The following RAB1A variants were observed in gnomAD, a reference collection of about 807,000 sequenced individuals.
The protein encoded by RAB1A is RAB1A, member RAS oncogene family.
In RAB1A, 2 loss-of-function variants were observed where a neutral mutation model predicts 26.0. The observed-to-expected ratio is 0.08, with a 90% confidence interval of 0.03 to 0.24. RAB1A has a LOEUF of 0.24. Ranked by LOEUF, RAB1A falls within the 10% of genes least tolerant of loss-of-function variation. The pLI, the probability that RAB1A is intolerant of heterozygous loss-of-function variation, is 1.00. For synonymous variants in RAB1A, 84 were observed against 84.9 expected (o/e 0.99, Z 0.06); for missense variants, 100 against 247.0 (o/e 0.40, Z 3.99).
chr2:65,097,884 G>C, intron 3 of RAB1A, 87 bp downstream of exon 3: 4 of 663,936 alleles, frequency 6.0e-6, no homozygotes, highest in South Asian at 2.4e-5. Context: ...ATTCAATTTT[G>C]TTAGCATAGT....
chr2:65,089,181 C>T (rs893494699), intron 4 of RAB1A, 111 bp from the exon 5 acceptor site: 1 of 1,041,850 alleles, frequency 9.6e-7, no homozygotes, highest in Admixed American at 2.6e-5. Context: ...AGTGAGACAA[C>T]TCTAGCTACA....
At chr2:65,096,218 G>C (rs951952076) in intron 3 of RAB1A, among the ~76,000 whole-genome samples, 1 of 152,070 alleles carries the variant, frequency 6.6e-6, no homozygotes, top group African/African-American at 2.4e-5. Context: ...GGGAGGCTAA[G>C]GCAGGAGAAT....
intron 2 of RAB1A, among the ~76,000 whole-genome samples, chr2:65,101,796 C>T (rs1669437499): frequency 8.0e-6 from 1 of 124,936 alleles, no homozygotes; most frequent in South Asian, 2.5e-4. Flanking sequence ...GTTGCCCAGG[C>T]TGGAGTGCAA....
chr2:65,091,443 A>G (rs997437919), intron 3 of RAB1A, among the ~76,000 whole-genome samples: 12 of 152,194 alleles, frequency 7.9e-5, no homozygotes, highest in Non-Finnish European at 1.8e-4. Context: ...ACTTGCTAGC[A>G]CATTCTACCA....
chr2:65,107,212 T>C (rs1176781771), intron 1 of RAB1A, among the ~76,000 whole-genome samples: 3 of 151,990 alleles, frequency 2.0e-5, no homozygotes, highest in African/African-American at 4.8e-5. Context: ...ATTACAGACA[T>C]GTGCTAACAC....
intron 1 of RAB1A, among the ~76,000 whole-genome samples, chr2:65,120,479 A>C (rs1378274601): frequency 6.7e-6 from 1 of 150,272 alleles, no homozygotes; most frequent in African/African-American, 2.5e-5. Context: ...AAAAAAAAAA[A>C]ACTCAAATGA....
intron 1 of RAB1A, among the ~76,000 whole-genome samples, chr2:65,121,077 G>A (rs145494191): frequency 4.0e-5 from 6 of 151,744 alleles, no homozygotes; most frequent in Non-Finnish European, 5.9e-5. Context: ...GCAACATAGC[G>A]ACATCTCATC....
chr2:65,118,278 C>A (rs925119670), intron 1 of RAB1A, among the ~76,000 whole-genome samples: 1 of 152,110 alleles, frequency 6.6e-6, no homozygotes, highest in African/African-American at 2.4e-5. Flanking sequence ...CCATGCTATT[C>A]CGTAAACATA....
At chr2:65,106,759 GAAT>G (rs1277110482) in intron 1 of RAB1A, among the ~76,000 whole-genome samples, 1 of 149,864 alleles carries the variant, frequency 6.7e-6, no homozygotes, top group African/African-American at 2.5e-5. Flanking sequence ...CGCTATTGTA[GAAT>G]ATTATCCTTA....
chr2:65,129,807 G>T, intron 1 of RAB1A, 86 bp downstream of exon 1: 1 of 1,529,662 alleles, frequency 6.5e-7, no homozygotes, highest in Non-Finnish European at 8.8e-7. Flanking sequence ...CCGATGCCCC[G>T]ACTTCTGCCC....
chr2:65,102,429 T>G (rs2103843747), intron 2 of RAB1A, among the ~76,000 whole-genome samples: 1 of 152,208 alleles, frequency 6.6e-6, no homozygotes, highest in East Asian at 1.9e-4. Flanking sequence ...ATCAGAAAAG[T>G]CATATGTATT....
intron 1 of RAB1A, among the ~76,000 whole-genome samples, chr2:65,126,446 A>C (rs1181099960): frequency 6.6e-6 from 1 of 152,222 alleles, no homozygotes; most frequent in Non-Finnish European, 1.5e-5. Context: ...GTCTCAAAAA[A>C]AAAACAAAAC....
At chr2:65,119,165 A>T (rs559001531) in intron 1 of RAB1A, among the ~76,000 whole-genome samples, 10 of 152,280 alleles carry the variant, frequency 6.6e-5, no homozygotes, top group Non-Finnish European at 1.3e-4. Flanking sequence ...TGATCTCACC[A>T]CTGTACTCCA....
chr2:65,087,012 T>C lies in RAB1A; in HGVS notation c.*1481A>G, dbSNP rs1296511292. 5 of 152,322 alleles carry C rather than the reference T, an allele frequency of 3.3e-5. No homozygotes were observed. Among genetic ancestry groups the C allele is most frequent in the Admixed American group, 2.6e-4 (4 of 15,288 alleles). 9.4% of individuals were successfully genotyped at this position (152,322 alleles called of 1,614,324 possible). A position where few individuals can be genotyped will look rare whatever the true frequency, so the allele number is the denominator to read the frequency against. On this transcript the variant is annotated 3_prime_UTR_variant, in exon 6 of 6. Coordinates refer to ENST00000409784, the MANE Select transcript of RAB1A (RefSeq NM_004161.5). ...AAAAATTAAAAAAACCTATTCATTT[T>C]TGGCTTGTGTTTAGCTTAAATTTTA...
At chr2:65,106,498 T>C (rs1558581677) in intron 1 of RAB1A, 1 of 217,896 alleles carries the variant, frequency 4.6e-6, no homozygotes. Context: ...GTTTACATAA[T>C]GATATGCATT....
intron 2 of RAB1A, among the ~76,000 whole-genome samples, chr2:65,104,057 C>T (rs1359035580): frequency 6.6e-6 from 1 of 152,102 alleles, no homozygotes. Context: ...GGATTACAGG[C>T]GTGAGCCACC....
At chr2:65,115,928 G>C (rs1669813906) in intron 1 of RAB1A, among the ~76,000 whole-genome samples, 1 of 152,252 alleles carries the variant, frequency 6.6e-6, no homozygotes, top group Non-Finnish European at 1.5e-5. Flanking sequence ...GGCCGAGGTG[G>C]GTGGATCACT....
Position 65,091,050 on chromosome 2 carries a change from C to T in RAB1A, c.221G>A (p.Arg74Gln). ...IWDTAGQERFRTITSSYYRGA... is the reference protein window; with the variant it reads ...IWDTAGQERFQTITSSYYRGA... ...TCTGTAATAACTGGAGGTGATTGTT[C>T]GAAATCTTTCCTGGCCTGCTGTGTC... Residue 74 changes from arginine to glutamine, a missense_variant, in exon 4 of 6, where the codon CGA becomes CAA. This residue lies in a region of RAB1A where 33 missense variants were observed against 124.2 expected (regional missense o/e 0.27). Transcript: ENST00000409784. 3 of 1,613,028 alleles carry T rather than the reference C, an allele frequency of 1.9e-6. No individual in the cohort carries two copies. The highest frequency in any genetic ancestry group is 2.5e-6 in the Non-Finnish European group (3 of 1,179,218).
At chr2:65,088,855 A>T (rs1669101469) in intron 5 of RAB1A, 84 bp downstream of exon 5, 4 of 1,415,890 alleles carry the variant, frequency 2.8e-6, no homozygotes, top group Non-Finnish European at 3.8e-6. Context: ...TATTTTTAAA[A>T]GGCTGTGGCC....
Sources: allele counts gnomAD v4.1 joint callset (sites outside exome capture counted in the v4.1 genomes callset), GRCh38; gene constraint gnomAD v4.1.1; regional missense constraint gnomAD v4.1.1; transcripts MANE v1.5; gene names NCBI Gene and HGNC (gene_info 2026-07-23, HGNC 2026-07-21).